NBEAL1: variants seen among roughly 807,000 people sequenced by gnomAD.
NBEAL1 encodes the protein neurobeachin like 1.
NBEAL1 carries 273 observed loss-of-function variants against 351.3 expected under a neutral mutation model. That is an observed-to-expected ratio of 0.78 (90% CI 0.70 to 0.86). The LOEUF is 0.86. NBEAL1 is among the 40% of genes least tolerant of loss of function. NBEAL1 has a pLI of 0.00. For missense variants in NBEAL1, 2,961 were observed against 3,201.3 expected (o/e 0.92, Z 1.81); for synonymous variants, 1,050 against 1,086.4 (o/e 0.97, Z 0.66).
rs532809609 is a variant in NBEAL1 at position 203,020,367 on chromosome 2, C to T, written c.51+3932C>T. Among the ~76,000 whole-genome samples the T allele has an allele frequency of 1.7e-3, 262 of 152,184 alleles. 2 individuals carry two copies. Among genetic ancestry groups the T allele is most frequent in the African/African-American group, 5.6e-3 (233 of 41,516 alleles). ...AAGATTCTTTCACCAGTGTATAAGA[C>T]TATTAATTCAAGTTGTATAGTCTGA... On this transcript the variant is annotated intron_variant, in intron 2 of 55. Transcript: ENST00000683969.
At chr2:203,068,605 T>A in intron 7 of NBEAL1, 130 bp downstream of exon 7, 1 of 479,674 alleles carries the variant, frequency 2.1e-6, no homozygotes, top group Non-Finnish European at 3.6e-6. Flanking sequence ...AACATGTCAC[T>A]GGAGTAAGCT....
Position 203,144,742 on chromosome 2 carries a change from T to C in NBEAL1, c.4991T>C (p.Phe1664Ser). 1.2e-6 allele frequency: 2 copies of C among 1,614,152 alleles called. No homozygotes were observed. The highest frequency in any genetic ancestry group is 1.7e-6 in the Non-Finnish European group (2 of 1,180,012). ...AAGGAACAGACTGAAATCTACTCAT[T>C]TCTGATTCCCCTTGTTCGTACCCTG... ...SIKEQTEIYS[F>S]LIPLVRTLVS... Residue 1664 changes from phenylalanine to serine, a missense_variant, in exon 32 of 56, where the codon TTT becomes TCT. Coordinates refer to ENST00000683969, the MANE Select transcript of NBEAL1 (RefSeq NM_001378026.1).
At chr2:203,067,783 A>G (rs1461135282) in intron 6 of NBEAL1, among the ~76,000 whole-genome samples, 3 of 152,190 alleles carry the variant, frequency 2.0e-5, no homozygotes, top group Non-Finnish European at 4.4e-5. Flanking sequence ...CCACACCACT[A>G]TGCCCATCTA....
At chr2:203,084,336 G>C (rs935794262) in intron 9 of NBEAL1, 127 bp from the exon 10 acceptor site, 2 of 457,838 alleles carry the variant, frequency 4.4e-6, no homozygotes, top group Non-Finnish European at 7.7e-6. Flanking sequence ...TTGTGTGTTA[G>C]TGTCATTTTA....
At position 203,120,368 on chromosome 2, in the gene NBEAL1, AT is replaced by A. The variant is rs1181881480; in HGVS notation, c.2593-1885del. Among the ~76,000 whole-genome samples, 6 of 152,192 alleles carry A rather than the reference AT, an allele frequency of 3.9e-5. No individual in the cohort carries two copies. The East Asian group carries it at 1.2e-3, about 29-fold the overall frequency. On this transcript the variant is annotated intron_variant, in intron 18 of 55. Transcript: ENST00000683969. The stretch of plus-strand genomic sequence containing the variant: ...CCTGTTTAATTTATATCCTTAACTA[AT>A]ATACAATATTTCTTTGTTGGAATAA...
chr2:203,108,496 T>G (rs2062489580), intron 14 of NBEAL1, among the ~76,000 whole-genome samples: 1 of 152,060 alleles, frequency 6.6e-6, no homozygotes, highest in African/African-American at 2.4e-5. Context: ...CCTCCTGGGT[T>G]CACGCCATTA....
At position 203,113,226 on chromosome 2, in the gene NBEAL1, G is replaced by T; in HGVS notation, c.2414G>T (p.Gly805Val). 1 of 1,539,722 alleles carries T rather than the reference G, an allele frequency of 6.5e-7. No individual in the cohort carries two copies. Among genetic ancestry groups the T allele is most frequent in the East Asian group, 2.4e-5 (1 of 41,068 alleles). ...ISAGTQDSEW[G>V]CPTSLEGQLG... ...GCTGGAACCCAAGACAGTGAATGGG[G>T]GTGTCCCACATCTCTGGAGGGTCAG... The change falls in exon 17 of 56, where the codon GGG (glycine) becomes GTG (valine). Residue 805 changes from glycine to valine, a missense_variant. Coordinates refer to ENST00000683969, the MANE Select transcript of NBEAL1 (RefSeq NM_001378026.1).
intron 48 of NBEAL1, among the ~76,000 whole-genome samples, chr2:203,198,371 G>C (rs1443250724): frequency 6.6e-6 from 1 of 152,020 alleles, no homozygotes; most frequent in African/African-American, 2.4e-5. Context: ...ATTTTGAAGA[G>C]AGGAGAACTT....
chr2:203,209,090 A>G, intron 52 of NBEAL1, 71 bp from the exon 53 acceptor site: 1 of 1,229,542 alleles, frequency 8.1e-7, no homozygotes, highest in Non-Finnish European at 1.2e-6. Flanking sequence ...TATCTGGCCC[A>G]CTCTACTTTT....
Position 203,183,357 on chromosome 2 carries a change from A to G in NBEAL1, c.6674A>G (p.Glu2225Gly). ...VILPKWAKSA[E>G]DFIYKHRKAL... is the part of the protein sequence containing the mutation. ...CTCCCGAAATGGGCTAAATCAGCTG[A>G]AGATTTCATCTATAAACATAGGAAA... Residue 2225 changes from glutamate (E) to glycine (G), a missense_variant, in exon 44 of 56, where the codon GAA (glutamate) becomes GGA (glycine). Physicochemically the swap from Glu to Gly is moderately conservative, Grantham distance 98. Coordinates refer to ENST00000683969, the MANE Select transcript of NBEAL1 (RefSeq NM_001378026.1). The G allele has an allele frequency of 6.3e-7, 1 of 1,595,308 alleles. No homozygotes were observed. The highest frequency in any genetic ancestry group is 8.5e-7 in the Non-Finnish European group (1 of 1,170,172).
In NBEAL1 at chr2:203,135,683, C is replaced by G. The variant is rs747534650; in HGVS notation, c.3820C>G (p.Gln1274Glu). ...VRVAICRKVL[Q>E]ILQFQPDAAH... ...ATTCTAAATCTTTTTACAGGTTTTG[C>G]AAATTTTGCAGTTCCAGCCAGATGC... Residue 1274 changes from glutamine (Q) to glutamate (E), a missense_variant, in exon 28 of 56, where the codon CAA (glutamine) becomes GAA (glutamate). Transcript: ENST00000683969. The G allele has an allele frequency of 6.7e-7, 1 of 1,485,368 alleles. No individual in the cohort carries two copies. Among genetic ancestry groups the G allele is most frequent in the South Asian group, 1.4e-5 (1 of 73,752 alleles). The allele number at this position is 1,485,368 out of a possible 1,614,324, so 92.0% of individuals were successfully genotyped here. A position where few individuals can be genotyped will look rare whatever the true frequency, so the allele number is the denominator to read the frequency against.
intron 16 of NBEAL1, among the ~76,000 whole-genome samples, chr2:203,112,487 C>G (rs2062596810): frequency 6.6e-6 from 1 of 152,086 alleles, no homozygotes; most frequent in African/African-American, 2.4e-5. Flanking sequence ...AAGCTTAAAA[C>G]CTTCATATTT....
chr2:203,217,196 T>A (rs2065906156), intron 55 of NBEAL1, 57 bp from the exon 56 acceptor site: 14 of 1,293,418 alleles, frequency 1.1e-5, no homozygotes, highest in Admixed American at 8.8e-5. Context: ...CTTACATATC[T>A]TTTTTTTAAT....
chr2:203,147,883 G>A (rs950518851), intron 33 of NBEAL1, among the ~76,000 whole-genome samples: 1 of 151,902 alleles, frequency 6.6e-6, no homozygotes, highest in African/African-American at 2.4e-5. Flanking sequence ...CCTGAGAGAA[G>A]TTCTACCAGT....
At chr2:203,059,819 G>A (rs1477956294) in intron 6 of NBEAL1, among the ~76,000 whole-genome samples, 1 of 152,156 alleles carries the variant, frequency 6.6e-6, no homozygotes, top group Non-Finnish European at 1.5e-5. Context: ...AATAGTTCAA[G>A]GCTTCAGTTA....
intron 19 of NBEAL1, among the ~76,000 whole-genome samples, chr2:203,124,695 G>A (rs2062900734): frequency 6.6e-6 from 1 of 151,826 alleles, no homozygotes; most frequent in South Asian, 2.1e-4. Flanking sequence ...TTAATAATAA[G>A]AGCAAACCTT....
At chr2:203,137,319 C>T (rs760672103) in intron 29 of NBEAL1, among the ~76,000 whole-genome samples, 1 of 152,126 alleles carries the variant, frequency 6.6e-6, no homozygotes, top group Non-Finnish European at 1.5e-5. Context: ...TAAAACATAT[C>T]GTTAAAATAT....
rs1246737620 is a variant in NBEAL1, at chr2:203,132,584, T to C, written c.3724+452T>C. ...AGTGACAGGTGTGATCATAGCTCAC[T>C]GTAGCCTCATACTGGATGCAAGGGA... On this transcript the variant is annotated intron_variant, in intron 26 of 55. Transcript: ENST00000683969. Among the ~76,000 whole-genome samples the C allele has an allele frequency of 3.3e-5, 5 of 152,296 alleles. No individual in the cohort carries two copies. The South Asian group carries it at 1.0e-3, about 32-fold the overall frequency.
intron 3 of NBEAL1, among the ~76,000 whole-genome samples, chr2:203,044,501 G>A (rs941842541): frequency 6.6e-6 from 1 of 152,092 alleles, no homozygotes; most frequent in African/African-American, 2.4e-5. Flanking sequence ...TACATTACCA[G>A]TGTCTCTTTT....
Sources: gnomAD v4.1 joint callset for allele counts (sites outside exome capture counted in the v4.1 genomes callset) on GRCh38, gnomAD v4.1.1 for gene constraint, MANE v1.5 for transcripts, NCBI Gene and HGNC (gene_info 2026-07-23, HGNC 2026-07-21) for gene names.